The following NAALADL2 variants were observed in gnomAD, a reference collection of about 807,000 sequenced individuals.
NAALADL2 encodes inactive N-acetylated-alpha-linked acidic dipeptidase-like protein 2.
In NAALADL2, 76 loss-of-function variants were observed where a neutral mutation model predicts 87.2. The ratio of observed to expected loss-of-function variants is 0.87; its 90% CI spans 0.72 to 1.05. The LOEUF (loss-of-function observed/expected upper bound fraction) is 1.05, where lower values mean the gene tolerates loss of function less well. Among genes scored for constraint, NAALADL2 ranks in the 50% least tolerant of loss-of-function variants. The pLI, the probability that NAALADL2 is intolerant of heterozygous loss-of-function variation, is 0.00. For missense variants in NAALADL2, 1,089 were observed against 945.8 expected (o/e 1.15, Z -1.99); for synonymous variants, 354 against 331.0 (o/e 1.07, Z -0.75).
At chr3:175,147,983 T>C (rs2108764601) in intron 2 of NAALADL2, among the ~76,000 whole-genome samples, 1 of 151,448 alleles carries the variant, frequency 6.6e-6, no homozygotes, top group African/African-American at 2.4e-5. Context: ...GACAATAGAA[T>C]CGCTTGAACC....
chr3:174,948,484 AT>A (rs370783333), intron 1 of NAALADL2, among the ~76,000 whole-genome samples: 1 of 152,110 alleles, frequency 6.6e-6, no homozygotes, highest in Non-Finnish European at 1.5e-5. Flanking sequence ...GCAAGAATTT[AT>A]TTTTTTATGA....
chr3:175,063,870 C>T (rs576781357), intron 1 of NAALADL2, among the ~76,000 whole-genome samples: 1 of 152,186 alleles, frequency 6.6e-6, no homozygotes, highest in East Asian at 1.9e-4. Context: ...CAACTACATC[C>T]GTATTTGTCA....
intron 1 of NAALADL2, among the ~76,000 whole-genome samples, chr3:174,937,247 A>G (rs888361516): frequency 1.6e-4 from 24 of 152,060 alleles, no homozygotes; most frequent in African/African-American, 5.8e-4. Flanking sequence ...GCTCTAGGAA[A>G]TACAGAAGAA....
chr3:175,670,561 AT>A (rs376596968), intron 11 of NAALADL2, among the ~76,000 whole-genome samples: 3 of 144,564 alleles, frequency 2.1e-5, no homozygotes, highest in African/African-American at 7.5e-5. Flanking sequence ...TTATATTAAA[AT>A]TTAATATATT....
At chr3:175,012,264 A>G (rs957014216) in intron 1 of NAALADL2, among the ~76,000 whole-genome samples, 1 of 152,188 alleles carries the variant, frequency 6.6e-6, no homozygotes, top group Non-Finnish European at 1.5e-5. Flanking sequence ...TCCCGGGTTC[A>G]AGGGATTCTC....
chr3:175,434,972 G>T (rs570965784), intron 5 of NAALADL2, among the ~76,000 whole-genome samples: 1 of 151,838 alleles, frequency 6.6e-6, no homozygotes, highest in Non-Finnish European at 1.5e-5. Context: ...ATGCTTTAGG[G>T]GATAAAATAG....
In NAALADL2 at chr3:175,605,217, G is replaced by A. The variant is rs114289624; in HGVS notation, c.1801-22074G>A. 1.8e-3 allele frequency among the ~76,000 whole-genome samples: 270 copies of A among 152,220 alleles called. 4 individuals are homozygous for A. Among genetic ancestry groups the A allele is most frequent in the African/African-American group, 6.0e-3 (251 of 41,532 alleles). ...TCCTCCCTCAATAAGGACTCCTTTA[G>A]GGTCTTTCCTTCTGAGTTCTATACA... On this transcript the variant is annotated intron_variant, in intron 10 of 13. Coordinates refer to ENST00000454872, the MANE Select transcript of NAALADL2 (RefSeq NM_207015.3).
chr3:174,633,168 A>C (rs543265013), intron 2 of NAALADL2, among the ~76,000 whole-genome samples: 10 of 152,184 alleles, frequency 6.6e-5, no homozygotes, highest in African/African-American at 2.2e-4. Context: ...TAAAAACATA[A>C]TCCAGAGAAC....
chr3:175,043,388 G>A (rs116332079), intron 1 of NAALADL2, among the ~76,000 whole-genome samples: 3,473 of 152,046 alleles, frequency 0.023, 54 homozygotes, highest in Non-Finnish European at 0.034. Flanking sequence ...ACAGGCACGC[G>A]CCACGATGCC....
chr3:175,286,291 A>AAGG (rs1007696648), intron 4 of NAALADL2, among the ~76,000 whole-genome samples: 1 of 152,130 alleles, frequency 6.6e-6, no homozygotes, highest in African/African-American at 2.4e-5. Flanking sequence ...CCAGTGGAAA[A>AAGG]AGGAGGAGGA....
At chr3:174,445,124 A>G (rs1053384411) in intron 1 of NAALADL2, among the ~76,000 whole-genome samples, 5 of 151,994 alleles carry the variant, frequency 3.3e-5, no homozygotes, top group Non-Finnish European at 5.9e-5. Context: ...TATGTAAATG[A>G]CATCATCTCT....
chr3:175,636,720 A>AAAAGAAAT (rs1728617829), intron 11 of NAALADL2, among the ~76,000 whole-genome samples: 1 of 151,606 alleles, frequency 6.6e-6, no homozygotes, highest in African/African-American at 2.4e-5. Flanking sequence ...AAAAAGAAAA[A>AAAAGAAAT]AAAAGAAAAA....
chr3:175,010,435 T>A (rs1388940578), intron 1 of NAALADL2, among the ~76,000 whole-genome samples: 2 of 152,166 alleles, frequency 1.3e-5, no homozygotes, highest in Non-Finnish European at 2.9e-5. Flanking sequence ...TCTGTTCTCA[T>A]CACAGGTTCA....
intron 13 of NAALADL2, among the ~76,000 whole-genome samples, chr3:175,761,521 T>C (rs1009353833): frequency 6.6e-6 from 1 of 150,620 alleles, no homozygotes; most frequent in Non-Finnish European, 1.5e-5. Context: ...GATACCAAAG[T>C]GTGCAATTGC....
chr3:175,712,170 G>T (rs953226352), intron 11 of NAALADL2, among the ~76,000 whole-genome samples: 3 of 151,892 alleles, frequency 2.0e-5, no homozygotes, highest in African/African-American at 7.2e-5. Flanking sequence ...AACAATATTT[G>T]ATGCTATCAA....
chr3:175,447,308 G>T lies in NAALADL2; in HGVS notation c.1170G>T (p.Leu390=). The T allele has an allele frequency of 1.2e-6, 2 of 1,605,512 alleles. No homozygotes were observed. The highest frequency in any genetic ancestry group is 2.2e-5 in the South Asian group (2 of 89,410). Residue 390 remains leucine, a synonymous_variant, in exon 6 of 14, where the codon CTG becomes CTT. Coordinates refer to ENST00000454872, the MANE Select transcript of NAALADL2 (RefSeq NM_207015.3). ...QPISAPLVAK[L]ISSPKARTKN... ...TCTCTGCACCCCTCGTTGCAAAACT[G>T]ATCTCTTCGCCAAAAGCTAGAACCA...
intron 4 of NAALADL2, among the ~76,000 whole-genome samples, chr3:175,264,272 A>G (rs914440041): frequency 2.0e-5 from 3 of 151,930 alleles, no homozygotes; most frequent in South Asian, 2.1e-4. Flanking sequence ...TACATTGATG[A>G]CAAAAATACT....
chr3:175,534,661 T>G (rs1485280148), intron 9 of NAALADL2, among the ~76,000 whole-genome samples: 1 of 151,874 alleles, frequency 6.6e-6, no homozygotes, highest in Non-Finnish European at 1.5e-5. Context: ...AGCTTTTTTT[T>G]TTTTCTTTCC....
Position 175,097,145 on chromosome 3 carries a change from C to A in NAALADL2, c.399C>A (p.Thr133=). 6.2e-7 allele frequency: 1 copy of A among 1,613,796 alleles called. No homozygotes were observed. Among genetic ancestry groups the A allele is most frequent in the Non-Finnish European group, 8.5e-7 (1 of 1,179,738 alleles). ...TCTTAAAAATACTTTGCACAGCCAC[C>A]ATTTTATTTATTTTTGGGATTTTGA... ...CHVLKILCTA[T]ILFIFGILIG... The change falls in exon 2 of 14, where the codon ACC becomes ACA. Residue 133 remains threonine, a synonymous_variant. Transcript: ENST00000454872.
Sources: allele counts gnomAD v4.1 joint callset (sites outside exome capture counted in the v4.1 genomes callset), GRCh38; gene constraint gnomAD v4.1.1; transcripts MANE v1.5; gene names NCBI Gene and HGNC (gene_info 2026-07-23, HGNC 2026-07-21).